The following PCDHAC1 variants were observed in gnomAD, a reference collection of about 807,000 sequenced individuals.
PCDHAC1 encodes protocadherin alpha-C1.
In PCDHAC1, 42 loss-of-function variants were observed where a neutral mutation model predicts 60.0. That is an observed-to-expected ratio of 0.70 (90% CI 0.55 to 0.90). The LOEUF (loss-of-function observed/expected upper bound fraction) is 0.90, where lower values mean the gene tolerates loss of function less well. Ranked by LOEUF, PCDHAC1 falls within the 40% of genes least tolerant of loss-of-function variation. PCDHAC1 has a pLI of 0.00. For synonymous variants in PCDHAC1, 468 were observed against 499.3 expected (o/e 0.94, Z 0.84); for missense variants, 1,160 against 1,222.3 (o/e 0.95, Z 0.76).
chr5:140,944,929 C>T (rs1387660974), intron 1 of PCDHAC1, among the ~76,000 whole-genome samples: 1 of 152,052 alleles, frequency 6.6e-6, no homozygotes, highest in Non-Finnish European at 1.5e-5. Flanking sequence ...TGGTTTATGC[C>T]TTCTTTAGAT....
rs1440009442 is a variant in PCDHAC1, at chr5:140,964,448, A to G, written c.2434-14501A>G. Among the ~76,000 whole-genome samples the G allele has an allele frequency of 3.3e-5, 5 of 152,212 alleles. No homozygotes were observed. The South Asian group carries it at 8.3e-4, about 25-fold the overall frequency. On this transcript the variant is annotated intron_variant, in intron 1 of 3. Transcript: ENST00000253807. ...AAAATTACCAAGCCTCTGCCACTGT[A>G]ATCTCTTCCTTAAGTGCCTATGATT...
Position 141,009,656 on chromosome 5 carries a change from G to T in PCDHAC1, c.2611G>T (p.Val871Phe). The T allele has an allele frequency of 6.2e-7, 1 of 1,614,000 alleles. No individual in the cohort carries two copies. The highest frequency in any genetic ancestry group is 8.5e-7 in the Non-Finnish European group (1 of 1,179,978). Residue 871 changes from valine (V) to phenylalanine (F), a missense_variant, in exon 4 of 4, where the codon GTC (valine) becomes TTC (phenylalanine). Physicochemically the swap from Val to Phe is conservative, Grantham distance 50. Coordinates refer to ENST00000253807, the MANE Select transcript of PCDHAC1 (RefSeq NM_018898.5). The stretch of plus-strand genomic sequence containing the variant: ...AGAGGCAGGAGAAGTGTCCCCTCCA[G>T]TCGGTGCGGGTGTCAACAGCAACAG... Reference protein sequence around the residue: ...EPEAGEVSPPVGAGVNSNSWT... With the variant: ...EPEAGEVSPPFGAGVNSNSWT...
chr5:140,976,584 A>G (rs2096724055), intron 1 of PCDHAC1, among the ~76,000 whole-genome samples: 1 of 152,070 alleles, frequency 6.6e-6, no homozygotes. Context: ...TAAAACACAG[A>G]CTTTTGTGTT....
At chr5:140,948,735 A>C (rs756182090) in intron 1 of PCDHAC1, among the ~76,000 whole-genome samples, 3 of 151,562 alleles carry the variant, frequency 2.0e-5, no homozygotes, top group Non-Finnish European at 4.4e-5. Flanking sequence ...AGTCTAGCTG[A>C]GAATTTATCA....
At chr5:140,958,946 ATAT>A (rs34256413) in intron 1 of PCDHAC1, among the ~76,000 whole-genome samples, 85,222 of 151,486 alleles carry the variant, frequency 0.56, 24,557 homozygotes, top group African/African-American at 0.69. Flanking sequence ...TAATAATATT[ATAT>A]TATTATAATT....
In PCDHAC1 at chr5:141,010,450, G is replaced by T; in HGVS notation, c.*513G>T. 7.6e-6 allele frequency: 7 copies of T among 920,886 alleles called. No homozygotes were observed. The South Asian group carries it at 1.3e-4, about 17-fold the overall frequency. The allele number at this position is 920,886 out of a possible 1,614,324, so 57.0% of individuals were successfully genotyped here. A position where few individuals can be genotyped will look rare whatever the true frequency, so the allele number is the denominator to read the frequency against. ...AAGAAAACAAAGACAAATAAACAGC[G>T]GAAGTTATCAGTATGGAGGGGAAGT... is the stretch of plus-strand genomic sequence containing the variant. On this transcript the variant is annotated 3_prime_UTR_variant, in exon 4 of 4. Transcript: ENST00000253807.
At position 140,927,292 on chromosome 5, in the gene PCDHAC1, C is replaced by A; in HGVS notation, c.400C>A (p.Pro134Thr). ...FPAGDVQLHIPEFLTPGARFT... is the reference protein window; with the variant it reads ...FPAGDVQLHITEFLTPGARFT... ...TGCCGGCGACGTGCAGCTGCACATC[C>A]CCGAGTTCCTGACGCCCGGAGCCCG... is the stretch of plus-strand genomic sequence containing the variant. Residue 134 changes from proline to threonine, a missense_variant, in exon 1 of 4, where the codon CCC becomes ACC. Pro to Thr is a conservative substitution (Grantham distance 38). This residue lies in a region of PCDHAC1 where 1,113 missense variants were observed against 1,163.7 expected (regional missense o/e 0.96). Transcript: ENST00000253807. The A allele has an allele frequency of 6.2e-7, 1 of 1,614,162 alleles. No homozygotes were observed. The highest frequency in any genetic ancestry group is 2.2e-5 in the East Asian group (1 of 44,870).
chr5:140,984,389 A>T (rs1346769556), intron 3 of PCDHAC1, among the ~76,000 whole-genome samples: 2 of 152,208 alleles, frequency 1.3e-5, no homozygotes, highest in African/African-American at 4.8e-5. Flanking sequence ...AGATTCAAAA[A>T]ATGTTGAGAA....
intron 1 of PCDHAC1, among the ~76,000 whole-genome samples, chr5:140,970,048 G>T (rs561588022): frequency 6.6e-6 from 1 of 152,296 alleles, no homozygotes; most frequent in African/African-American, 2.4e-5. Flanking sequence ...TTGTCTGGTT[G>T]GTCCAGGGAG....
Position 140,927,881 on chromosome 5 carries a change from T to C in PCDHAC1, c.989T>C (p.Val330Ala), listed in dbSNP as rs781982234. 10 of 1,613,978 alleles carry C rather than the reference T, an allele frequency of 6.2e-6. No homozygotes were observed. Among genetic ancestry groups the C allele is most frequent in the Non-Finnish European group, 8.5e-6 (10 of 1,180,010 alleles). Reference sequence around the variant, plus strand: ...AGCACCGCTAAACTGCTGGTGGAGGTGACTGACGTGAACGATCATGCCCCC... The same window carrying C: ...AGCACCGCTAAACTGCTGGTGGAGGCGACTGACGTGAACGATCATGCCCCC... The part of the protein sequence containing the change: ...LASTAKLLVE[V>A]TDVNDHAPEL... Residue 330 changes from valine to alanine, a missense_variant, in exon 1 of 4, where the codon GTG becomes GCG. Physicochemically the swap from Val to Ala is moderately conservative, Grantham distance 64 (BLOSUM62 0). Around this residue, in one of 3 missense-constraint regions of PCDHAC1, gnomAD observed 1,113 missense variants for 1,163.7 expected, o/e 0.96. Coordinates refer to ENST00000253807, the MANE Select transcript of PCDHAC1 (RefSeq NM_018898.5).
intron 3 of PCDHAC1, among the ~76,000 whole-genome samples, chr5:140,993,307 A>G (rs1388803376): frequency 6.6e-6 from 1 of 152,056 alleles, no homozygotes; most frequent in Non-Finnish European, 1.5e-5. Flanking sequence ...TGCCTCCAGG[A>G]TAATACCTTC....
At chr5:140,978,770 A>G in intron 1 of PCDHAC1, 179 bp from the exon 2 acceptor site, 3 of 956,466 alleles carry the variant, frequency 3.1e-6, no homozygotes, top group Non-Finnish European at 2.5e-6. Context: ...CTGATGAACT[A>G]ATTTTCTTCT....
intron 3 of PCDHAC1, 65 bp downstream of exon 3, chr5:140,982,628 G>T: frequency 6.3e-7 from 1 of 1,578,118 alleles, no homozygotes; most frequent in Non-Finnish European, 8.6e-7. Flanking sequence ...ACCTACTTTT[G>T]TAAGATCAGG....
rs2096830713 is a variant in PCDHAC1 at position 140,978,969 on chromosome 5, C to G, written c.2454C>G (p.Asp818Glu). 4 of 1,614,092 alleles carry G rather than the reference C, an allele frequency of 2.5e-6. No homozygotes were observed. The highest frequency in any genetic ancestry group is 1.6e-4 in the Middle Eastern group (1 of 6,084). ...TGCAGCCACGACAGCCCAACCCTGACTGGCGTTACTCTGCCTCCCTGAGAG... is the reference window on the plus strand; with the variant it reads ...TGCAGCCACGACAGCCCAACCCTGAGTGGCGTTACTCTGCCTCCCTGAGAG... ...VNAMPRQPNP[D>E]WRYSASLRAG... The change falls in exon 2 of 4, where the codon GAC becomes GAG. Residue 818 changes from aspartate (D) to glutamate (E), a missense_variant. Coordinates refer to ENST00000253807, the MANE Select transcript of PCDHAC1 (RefSeq NM_018898.5).
At chr5:141,005,809 C>T (rs1554260384) in intron 3 of PCDHAC1, among the ~76,000 whole-genome samples, 1 of 150,480 alleles carries the variant, frequency 6.6e-6, no homozygotes, top group Admixed American at 6.6e-5. Flanking sequence ...TCCAAGGAGC[C>T]AGGTATGGTG....
At chr5:141,007,402 A>G in intron 3 of PCDHAC1, among the ~76,000 whole-genome samples, 2 of 149,740 alleles carry the variant, frequency 1.3e-5, no homozygotes. Context: ...ATACAAAAAA[A>G]AAAAAAAAAA....
intron 1 of PCDHAC1, 107 bp downstream of exon 1, chr5:140,929,432 T>C: frequency 1.4e-6 from 2 of 1,474,372 alleles, no homozygotes; most frequent in Non-Finnish European, 1.8e-6. Flanking sequence ...TCAATTGAAC[T>C]AAACACTCCT....
At chr5:140,967,354 C>T in intron 1 of PCDHAC1, 1 of 1,607,952 alleles carries the variant, frequency 6.2e-7, no homozygotes, top group South Asian at 1.1e-5. Flanking sequence ...TCGAGCTGGA[C>T]CTTAAGCCCC....
At chr5:141,007,448 G>A (rs555583994) in intron 3 of PCDHAC1, among the ~76,000 whole-genome samples, 2 of 150,352 alleles carry the variant, frequency 1.3e-5, no homozygotes, top group African/African-American at 4.9e-5. Context: ...TGTGCCTGTA[G>A]TCCCAGCTAC....
Sources: allele counts gnomAD v4.1 joint callset (sites outside exome capture counted in the v4.1 genomes callset), GRCh38; gene constraint gnomAD v4.1.1; regional missense constraint gnomAD v4.1.1; transcripts MANE v1.5; gene names NCBI Gene and HGNC (gene_info 2026-07-23, HGNC 2026-07-21).